VTA1: variants seen among roughly 807,000 people sequenced by gnomAD.
VTA1 encodes the protein vesicle trafficking 1, also known as vacuolar protein sorting-associated protein VTA1 homolog.
VTA1 carries 24 observed loss-of-function variants against 36.9 expected under a neutral mutation model. The ratio of observed to expected loss-of-function variants is 0.65; its 90% CI spans 0.47 to 0.91. VTA1 has a LOEUF of 0.91. Ranked by LOEUF, VTA1 falls within the 40% of genes least tolerant of loss-of-function variation. VTA1 has a pLI of 0.00. For missense variants in VTA1, 393 were observed against 377.2 expected (o/e 1.04, Z -0.35); for synonymous variants, 142 against 130.2 (o/e 1.09, Z -0.62).
At chr6:142,179,706 A>G (rs533351914) in intron 4 of VTA1, among the ~76,000 whole-genome samples, 11 of 152,318 alleles carry the variant, frequency 7.2e-5, no homozygotes, top group African/African-American at 2.6e-4. Flanking sequence ...TTACCCAGGT[A>G]TATTAATCTG....
At chr6:142,214,113 A>C (rs187376289) in intron 7 of VTA1, among the ~76,000 whole-genome samples, 110 of 152,268 alleles carry the variant, frequency 7.2e-4, no homozygotes, top group African/African-American at 2.6e-3. Flanking sequence ...ATGAGCCTAC[A>C]CTTTTAGAAA....
chr6:142,214,557 T>G (rs1204984561), intron 7 of VTA1, among the ~76,000 whole-genome samples: 2 of 152,164 alleles, frequency 1.3e-5, no homozygotes. Flanking sequence ...CTCCTCCTAT[T>G]TGACAGGAGA....
At chr6:142,173,994 T>C (rs1775072363) in intron 4 of VTA1, among the ~76,000 whole-genome samples, 1 of 152,160 alleles carries the variant, frequency 6.6e-6, no homozygotes, top group South Asian at 2.1e-4. Flanking sequence ...GCACTGGTGC[T>C]AGAATAAAGT....
intron 7 of VTA1, among the ~76,000 whole-genome samples, chr6:142,214,215 T>TC (rs1449353481): frequency 6.6e-6 from 1 of 152,154 alleles, no homozygotes; most frequent in Non-Finnish European, 1.5e-5. Flanking sequence ...ATTCCACAGA[T>TC]CTCTAGGGCA....
chr6:142,165,107 A>G (rs981628689), intron 1 of VTA1, among the ~76,000 whole-genome samples: 1 of 152,252 alleles, frequency 6.6e-6, no homozygotes, highest in Non-Finnish European at 1.5e-5. Flanking sequence ...TTCATAAAGG[A>G]GAATATGGAG....
At position 142,156,893 on chromosome 6, in the gene VTA1, A is replaced by G. The variant is rs377575268; in HGVS notation, c.113-9335A>G. 3.9e-5 allele frequency among the ~76,000 whole-genome samples: 6 copies of G among 152,196 alleles called. No homozygotes were observed. In the East Asian group the frequency reaches 9.6e-4, roughly 24 times the overall value. On this transcript the variant is annotated intron_variant, in intron 1 of 7. Transcript: ENST00000367630. ...AACTACATGGATATTAGCATTAACA[A>G]TCACTTGCTTATGCCTGTACTCCTA... is the stretch of plus-strand genomic sequence containing the variant.
intron 5 of VTA1, among the ~76,000 whole-genome samples, chr6:142,193,206 A>G (rs565965029): frequency 1.2e-4 from 18 of 152,108 alleles, no homozygotes; most frequent in Non-Finnish European, 2.2e-4. Context: ...ATATTGCCTC[A>G]TAATTAGTTT....
At chr6:142,218,391 T>C in intron 7 of VTA1, 107 bp from the exon 8 acceptor site, 1 of 1,179,068 alleles carries the variant, frequency 8.5e-7, no homozygotes. Flanking sequence ...CTACTGTTTT[T>C]ACATAGCCTT....
intron 7 of VTA1, among the ~76,000 whole-genome samples, chr6:142,214,687 G>A (rs1775973735): frequency 6.6e-6 from 1 of 152,066 alleles, no homozygotes; most frequent in Admixed American, 6.5e-5. Flanking sequence ...ATAGACTCTG[G>A]GTAATACTGA....
At chr6:142,200,090 T>C (rs1289781926) in intron 6 of VTA1, among the ~76,000 whole-genome samples, 1 of 152,112 alleles carries the variant, frequency 6.6e-6, no homozygotes, top group Admixed American at 6.5e-5. Flanking sequence ...GCAAATCATA[T>C]TGGTTATTTG....
chr6:142,155,613 C>T (rs2114630753), intron 1 of VTA1, among the ~76,000 whole-genome samples: 1 of 152,206 alleles, frequency 6.6e-6, no homozygotes, highest in South Asian at 2.1e-4. Context: ...GATTTGAGTT[C>T]TGAATCACCT....
rs113118158 is a variant in VTA1, at chr6:142,179,285, G to A, written c.411+8864G>A. Among the ~76,000 whole-genome samples, 971 of 151,948 alleles carry A rather than the reference G, an allele frequency of 6.4e-3. 12 individuals are homozygous for A. Among genetic ancestry groups the A allele is most frequent in the African/African-American group, 0.023 (936 of 41,444 alleles). ...ACATTGCTTGATGGAGATGTTAGATGTTATATCCACTTTAGGAAAAGAGTT... is the reference window on the plus strand; with the variant it reads ...ACATTGCTTGATGGAGATGTTAGATATTATATCCACTTTAGGAAAAGAGTT... On this transcript the variant is annotated intron_variant, in intron 4 of 7. Transcript: ENST00000367630.
Position 142,181,512 on chromosome 6 carries a change from A to C in VTA1, c.412-7914A>C, listed in dbSNP as rs184986420. Among the ~76,000 whole-genome samples the C allele has an allele frequency of 3.0e-3, 456 of 150,156 alleles. 2 individuals carry two copies. The highest frequency in any genetic ancestry group is 0.011 in the African/African-American group (433 of 41,232). On this transcript the variant is annotated intron_variant, in intron 4 of 7. Coordinates refer to ENST00000367630, the MANE Select transcript of VTA1 (RefSeq NM_016485.5). The stretch of plus-strand genomic sequence containing the variant: ...TTTATACATTTATATGTAGAAATAA[A>C]TTGATAAAAATTAAATAGTTGGAGA...
chr6:142,159,132 G>A (rs955450219), intron 1 of VTA1, among the ~76,000 whole-genome samples: 1 of 152,024 alleles, frequency 6.6e-6, no homozygotes, highest in African/African-American at 2.4e-5. Flanking sequence ...GGCCGAGGTG[G>A]GTAGATCACA....
chr6:142,168,235 T>C (rs1039571971), intron 2 of VTA1, among the ~76,000 whole-genome samples: 1 of 152,206 alleles, frequency 6.6e-6, no homozygotes, highest in African/African-American at 2.4e-5. Flanking sequence ...TTTTGCAGTT[T>C]GGATACACAA....
At chr6:142,169,698 A>T in intron 3 of VTA1, 21 bp downstream of exon 3, 1 of 1,514,644 alleles carries the variant, frequency 6.6e-7, no homozygotes, top group Non-Finnish European at 8.8e-7. Flanking sequence ...AGAAAAATAA[A>T]AATTATTTTA....
intron 7 of VTA1, among the ~76,000 whole-genome samples, chr6:142,215,082 AC>A (rs1337910856): frequency 5.9e-5 from 9 of 152,204 alleles, no homozygotes; most frequent in Non-Finnish European, 1.3e-4. Flanking sequence ...CACAGTGTTT[AC>A]TTTTTTACTT....
chr6:142,185,874 A>G (rs1276470273), intron 4 of VTA1, among the ~76,000 whole-genome samples: 1 of 152,218 alleles, frequency 6.6e-6, no homozygotes, highest in African/African-American at 2.4e-5. Flanking sequence ...GGAGATATGT[A>G]TACTTCCTGA....
chr6:142,148,189 ATATT>A (rs1778493942), intron 1 of VTA1, among the ~76,000 whole-genome samples: 2 of 152,196 alleles, frequency 1.3e-5, no homozygotes, highest in South Asian at 4.1e-4. Flanking sequence ...TCTGAAAAGG[ATATT>A]TAGAGTTGAG....
Sources: gnomAD v4.1 joint callset for allele counts (sites outside exome capture counted in the v4.1 genomes callset) on GRCh38, gnomAD v4.1.1 for gene constraint, MANE v1.5 for transcripts, NCBI Gene and HGNC (gene_info 2026-07-23, HGNC 2026-07-21) for gene names.